TNS3: variants seen among roughly 807,000 people sequenced by gnomAD.
TNS3 encodes tensin-3.
In TNS3, 45 loss-of-function variants were observed where a neutral mutation model predicts 140.9. The observed-to-expected ratio is 0.32, with a 90% CI of 0.25 to 0.41. TNS3 has a LOEUF of 0.41. Among genes scored for constraint, TNS3 ranks in the 10% least tolerant of loss-of-function variants. The pLI is 1.00. For synonymous variants in TNS3, 815 were observed against 788.4 expected, an observed-to-expected ratio of 1.03 and a Z score of -0.56; for missense variants, 1,716 against 1,906.7, an observed-to-expected ratio of 0.90 and a Z score of 1.86.
intron 3 of TNS3, among the ~76,000 whole-genome samples, chr7:47,488,344 G>A (rs762024836): frequency 1.3e-5 from 2 of 152,152 alleles, no homozygotes; most frequent in Non-Finnish European, 2.9e-5. Flanking sequence ...GGTAAGGGGC[G>A]GCTGTTGTAA....
At chr7:47,306,342 T>A (rs142149046) in intron 20 of TNS3, among the ~76,000 whole-genome samples, 26 of 152,048 alleles carry the variant, frequency 1.7e-4, no homozygotes, top group South Asian at 8.3e-4. Context: ...CCTGGTTTTT[T>A]AAAAAAAATT....
intron 20 of TNS3, among the ~76,000 whole-genome samples, chr7:47,342,694 G>A (rs142598565): frequency 5.3e-5 from 8 of 152,306 alleles, no homozygotes; most frequent in East Asian, 1.9e-4. Flanking sequence ...CAACTTCTTC[G>A]TGTCAATTTC....
intron 17 of TNS3, among the ~76,000 whole-genome samples, chr7:47,351,950 G>T (rs1436772416): frequency 6.6e-6 from 1 of 152,026 alleles, no homozygotes; most frequent in African/African-American, 2.4e-5. Context: ...CCAGTCTCCG[G>T]CACTTTTTCA....
At chr7:47,340,441 C>T (rs1280463177) in intron 20 of TNS3, among the ~76,000 whole-genome samples, 4 of 151,950 alleles carry the variant, frequency 2.6e-5, no homozygotes, top group African/African-American at 9.7e-5. Flanking sequence ...TTTTTAATTT[C>T]AGCTTCTACA....
At position 47,460,382 on chromosome 7, in the gene TNS3, G is replaced by C. The variant is rs908040599; in HGVS notation, c.-75-18327C>G. Reference sequence around the variant, plus strand: ...CTCATCTCAGCCTTCCAGCCTCCAGGACTGAGGGTGATAACCGCCCATTGC... The same window carrying C: ...CTCATCTCAGCCTTCCAGCCTCCAGCACTGAGGGTGATAACCGCCCATTGC... On this transcript the variant is annotated intron_variant, in intron 4 of 30. Transcript: ENST00000311160. Among the ~76,000 whole-genome samples, 4 of 152,166 alleles carry C rather than the reference G, an allele frequency of 2.6e-5. No homozygotes were observed. The South Asian group carries it at 8.3e-4, about 32-fold the overall frequency.
chr7:47,533,440 T>C (rs1799488531), intron 1 of TNS3, among the ~76,000 whole-genome samples: 1 of 151,514 alleles, frequency 6.6e-6, no homozygotes, highest in African/African-American at 2.4e-5. Context: ...TTTTTTTTTT[T>C]TTAAAAGACA....
intron 16 of TNS3, among the ~76,000 whole-genome samples, chr7:47,389,131 A>G (rs4724572): frequency 0.29 from 4,264 of 14,898 alleles, 1,664 homozygotes; most frequent in South Asian, 0.59. Context: ...AAGAAGAAGA[A>G]GAAGAAGAAG....
chr7:47,287,118 G>T (rs1785461557), intron 27 of TNS3, among the ~76,000 whole-genome samples: 1 of 148,894 alleles, frequency 6.7e-6, no homozygotes, highest in East Asian at 1.9e-4. Flanking sequence ...AAAAAAAAAA[G>T]TATACCTACC....
chr7:47,325,915 G>C (rs1788000543), intron 20 of TNS3, among the ~76,000 whole-genome samples: 1 of 152,182 alleles, frequency 6.6e-6, no homozygotes, highest in East Asian at 1.9e-4. Flanking sequence ...AAAGTGCGCA[G>C]CAGTTAGAAC....
intron 3 of TNS3, among the ~76,000 whole-genome samples, chr7:47,490,341 C>T (rs112526587): frequency 0.013 from 2,025 of 152,316 alleles, 51 homozygotes; most frequent in African/African-American, 0.046. Context: ...TCAGAAGAGA[C>T]TGATGATTAC....
At chr7:47,459,650 G>GAGGTCCCCAGGACATAAATATTTAT (rs1450181522) in intron 4 of TNS3, among the ~76,000 whole-genome samples, 1 of 152,126 alleles carries the variant, frequency 6.6e-6, no homozygotes, top group Non-Finnish European at 1.5e-5. Flanking sequence ...TGGTGCATCA[G>GAGGTCCCCAGGACATAAATATTTAT]AGGTCCCCAG....
intron 16 of TNS3, among the ~76,000 whole-genome samples, chr7:47,392,209 G>A (rs1792562032): frequency 6.6e-6 from 1 of 152,146 alleles, no homozygotes. Flanking sequence ...CACCTGCCAG[G>A]ACCACAGACC....
chr7:47,513,025 G>GA (rs1798662619), intron 2 of TNS3, among the ~76,000 whole-genome samples: 1 of 152,142 alleles, frequency 6.6e-6, no homozygotes, highest in African/African-American at 2.4e-5. Flanking sequence ...GGAAAGATAA[G>GA]AAACTGACCT....
At chr7:47,449,997 C>A (rs1002485621) in intron 4 of TNS3, among the ~76,000 whole-genome samples, 4 of 152,210 alleles carry the variant, frequency 2.6e-5, no homozygotes, top group African/African-American at 9.6e-5. Context: ...CATGCGGATC[C>A]AGCAGAGGCA....
At chr7:47,555,550 C>T (rs1009360100) in intron 1 of TNS3, among the ~76,000 whole-genome samples, 3 of 152,176 alleles carry the variant, frequency 2.0e-5, no homozygotes, top group African/African-American at 4.8e-5. Context: ...ACAGAGAAGT[C>T]TTTCATGAAG....
chr7:47,438,542 C>T (rs1795305224), intron 6 of TNS3, among the ~76,000 whole-genome samples: 1 of 152,176 alleles, frequency 6.6e-6, no homozygotes, highest in Non-Finnish European at 1.5e-5. Context: ...GCTTGGCCAC[C>T]ACTTCCTGTC....
At chr7:47,572,463 T>C (rs1006352775) in intron 1 of TNS3, among the ~76,000 whole-genome samples, 1 of 152,124 alleles carries the variant, frequency 6.6e-6, no homozygotes, top group Non-Finnish European at 1.5e-5. Context: ...ATAAACACCA[T>C]TCCAGTTGTC....
At chr7:47,530,019 A>T (rs1332566605) in intron 1 of TNS3, among the ~76,000 whole-genome samples, 1 of 152,262 alleles carries the variant, frequency 6.6e-6, no homozygotes, top group East Asian at 1.9e-4. Flanking sequence ...TTATAAACTT[A>T]AACATACACC....
chr7:47,413,951 G>A lies in TNS3; in HGVS notation c.633C>T (p.Tyr211=), dbSNP rs770622190. The A allele has an allele frequency of 5.0e-6, 8 of 1,613,928 alleles. No individual in the cohort carries two copies. The highest frequency in any genetic ancestry group is 6.8e-6 in the Non-Finnish European group (8 of 1,180,012). ...GCAGCACTCACTAGATCCCGGAGGT[G>A]TACACAGGCTGCATGGCTTGGTAGA... The part of the protein sequence containing the change: ...LKLYQAMQPV[Y]TSGIYNVGPE... The change falls in exon 12 of 31, where the codon TAC becomes TAT. Residue 211 remains tyrosine, a synonymous_variant. Transcript: ENST00000311160.
Sources: gnomAD v4.1 joint callset for allele counts (sites outside exome capture counted in the v4.1 genomes callset) on GRCh38, gnomAD v4.1.1 for gene constraint, MANE v1.5 for transcripts, NCBI Gene and HGNC (gene_info 2026-07-23, HGNC 2026-07-21) for gene names.